Variants in CLDN10 observed in about 807,000 individuals in gnomAD.
CLDN10 encodes claudin 10, also known as claudin-10.
In CLDN10, 15 loss-of-function variants were observed where a neutral mutation model predicts 22.9. The ratio of observed to expected loss-of-function variants is 0.65; its 90% CI spans 0.44 to 1.01. CLDN10 has a LOEUF of 1.01. Among genes scored for constraint, CLDN10 ranks in the 50% least tolerant of loss-of-function variants. The pLI, the probability that CLDN10 is intolerant of heterozygous loss-of-function variation, is 0.00. For synonymous variants in CLDN10, 114 were observed against 111.4 expected (o/e 1.02, Z -0.15); for missense variants, 247 against 287.8 (o/e 0.86, Z 1.03).
intron 1 of CLDN10, among the ~76,000 whole-genome samples, chr13:95,514,029 G>A (rs554110920): frequency 2.6e-5 from 4 of 152,240 alleles, no homozygotes; most frequent in South Asian, 4.1e-4. Flanking sequence ...AGGCCAAGAC[G>A]GGAGGATGGC....
At chr13:95,459,583 G>C (rs1219206706) in intron 1 of CLDN10, among the ~76,000 whole-genome samples, 1 of 152,240 alleles carries the variant, frequency 6.6e-6, no homozygotes, top group Admixed American at 6.5e-5. Flanking sequence ...GCCATGGCTA[G>C]GATGCAGGGC....
chr13:95,466,791 G>T (rs1173084159), intron 1 of CLDN10, among the ~76,000 whole-genome samples: 2 of 151,502 alleles, frequency 1.3e-5, no homozygotes, highest in Admixed American at 1.3e-4. Flanking sequence ...AGAGAAAATA[G>T]TATAATAATC....
chr13:95,578,797 A>G lies in CLDN10; in HGVS notation c.*783A>G, dbSNP rs936148450. The G allele has an allele frequency of 6.6e-6, 1 of 152,182 alleles. No homozygotes were observed. Among genetic ancestry groups the G allele is most frequent in the African/African-American group, 2.4e-5 (1 of 41,452 alleles). 9.4% of individuals were successfully genotyped at this position (152,182 alleles called of 1,614,324 possible). A position where few individuals can be genotyped will look rare whatever the true frequency, so the allele number is the denominator to read the frequency against. Reference sequence around the variant, plus strand: ...TGCTGTGATGAAGACTCATGTACATATTTAGCAAATTTTGGTTTCTTACAT... The same window carrying G: ...TGCTGTGATGAAGACTCATGTACATGTTTAGCAAATTTTGGTTTCTTACAT... On this transcript the variant is annotated 3_prime_UTR_variant, in exon 5 of 5. Transcript: ENST00000299339.
At chr13:95,452,324 A>G (rs1462344851) in intron 1 of CLDN10, among the ~76,000 whole-genome samples, 1 of 152,218 alleles carries the variant, frequency 6.6e-6, no homozygotes, top group African/African-American at 2.4e-5. Flanking sequence ...CCCTCCCTGT[A>G]TTGGAAAGGT....
intron 1 of CLDN10, among the ~76,000 whole-genome samples, chr13:95,534,796 TTTTTTTCTCC>T (rs2043382829): frequency 2.0e-5 from 3 of 152,128 alleles, no homozygotes; most frequent in Non-Finnish European, 4.4e-5. Flanking sequence ...ACTTCAGGGT[TTTTTTTCTCC>T]TGGCATTCAA....
intron 1 of CLDN10, among the ~76,000 whole-genome samples, chr13:95,457,204 C>A (rs1408726121): frequency 6.6e-6 from 1 of 152,084 alleles, no homozygotes; most frequent in Non-Finnish European, 1.5e-5. Context: ...GAGGCAGATC[C>A]AATTCCTAGT....
At chr13:95,485,146 AC>A (rs966956291) in intron 1 of CLDN10, among the ~76,000 whole-genome samples, 1 of 94,160 alleles carries the variant, frequency 1.1e-5, no homozygotes, top group African/African-American at 6.5e-5. Context: ...AGAGTGAACC[AC>A]CAGGAAGCTG....
chr13:95,445,159 A>G (rs896705228), intron 1 of CLDN10, among the ~76,000 whole-genome samples: 1 of 152,228 alleles, frequency 6.6e-6, no homozygotes, highest in Admixed American at 6.5e-5. Context: ...TGCATACAGC[A>G]TCTAGAGCAA....
At chr13:95,554,057 T>C (rs2043603079) in intron 1 of CLDN10, among the ~76,000 whole-genome samples, 1 of 152,206 alleles carries the variant, frequency 6.6e-6, no homozygotes. Flanking sequence ...TCCTCTAAGA[T>C]GGGGTTTGCC....
intron 3 of CLDN10, among the ~76,000 whole-genome samples, chr13:95,568,749 A>T (rs1363901415): frequency 6.6e-6 from 1 of 152,166 alleles, no homozygotes; most frequent in Admixed American, 6.5e-5. Context: ...TCCTTACAGC[A>T]AGGATGGTAA....
At chr13:95,517,294 G>A (rs932066019) in intron 1 of CLDN10, among the ~76,000 whole-genome samples, 1 of 152,064 alleles carries the variant, frequency 6.6e-6, no homozygotes, top group Non-Finnish European at 1.5e-5. Context: ...AGACAAATAA[G>A]TCGGGGCAGC....
intron 1 of CLDN10, among the ~76,000 whole-genome samples, chr13:95,459,635 T>C (rs1347326688): frequency 2.0e-5 from 3 of 152,212 alleles, no homozygotes; most frequent in Non-Finnish European, 4.4e-5. Context: ...ACCCTGGATC[T>C]GGCCCATGAA....
intron 1 of CLDN10, among the ~76,000 whole-genome samples, chr13:95,454,834 G>A (rs2042466872): frequency 6.6e-6 from 1 of 152,186 alleles, no homozygotes; most frequent in African/African-American, 2.4e-5. Flanking sequence ...GGGGAGGTGT[G>A]GTGCCTATTT....
Position 95,538,006 on chromosome 13 carries a change from C to A in CLDN10, c.215-22126C>A, listed in dbSNP as rs963853901. On this transcript the variant is annotated intron_variant, in intron 1 of 4. Coordinates refer to the CLDN10 transcript ENST00000376873. ...GGCAAATGCAGAGCTAAATTCATAG[C>A]CCTTTTTATGCACCAGTCTAAAACA... Among the ~76,000 whole-genome samples, 5 of 152,178 alleles carry A rather than the reference C, an allele frequency of 3.3e-5. No individual in the cohort carries two copies. In the South Asian group the frequency reaches 8.3e-4, roughly 25 times the overall value.
chr13:95,445,676 A>T (rs916405230), intron 1 of CLDN10, among the ~76,000 whole-genome samples: 31 of 152,240 alleles, frequency 2.0e-4, no homozygotes, highest in Admixed American at 4.6e-4. Flanking sequence ...TCAGTCAGTC[A>T]GTTTCTTAAC....
chr13:95,510,190 T>A (rs1318113972), intron 1 of CLDN10, among the ~76,000 whole-genome samples: 1 of 152,224 alleles, frequency 6.6e-6, no homozygotes, highest in Non-Finnish European at 1.5e-5. Context: ...CCTGGAATGA[T>A]AGCGAGAGTC....
intron 1 of CLDN10, among the ~76,000 whole-genome samples, chr13:95,526,947 AT>A (rs923696761): frequency 1.3e-5 from 2 of 152,142 alleles, no homozygotes; most frequent in Non-Finnish European, 2.9e-5. Context: ...AACAACCAAA[AT>A]TTCATCCACC....
At chr13:95,493,876 G>A (rs1157861367) in intron 1 of CLDN10, among the ~76,000 whole-genome samples, 1 of 152,038 alleles carries the variant, frequency 6.6e-6, no homozygotes, top group Non-Finnish European at 1.5e-5. Context: ...GTCCTTTTGT[G>A]TCTGGCTTAT....
intron 1 of CLDN10, among the ~76,000 whole-genome samples, chr13:95,485,279 G>C (rs1157670115): frequency 6.6e-6 from 1 of 151,672 alleles, no homozygotes; most frequent in Non-Finnish European, 1.5e-5. Context: ...CACTGCGCCT[G>C]GTCCCTTTGA....
Sources: allele counts gnomAD v4.1 joint callset (sites outside exome capture counted in the v4.1 genomes callset), GRCh38; gene constraint gnomAD v4.1.1; transcripts MANE v1.5; gene names NCBI Gene and HGNC (gene_info 2026-07-23, HGNC 2026-07-21).